MYO18B: variants seen among roughly 807,000 people sequenced by gnomAD.
The protein encoded by MYO18B is myosin XVIIIB, also known as unconventional myosin-XVIIIb.
In MYO18B, 204 loss-of-function variants were observed where a neutral mutation model predicts 273.0. That is an observed-to-expected ratio of 0.75 (90% CI 0.67 to 0.84). The LOEUF (loss-of-function observed/expected upper bound fraction) is 0.84, where lower values mean the gene tolerates loss of function less well. Among genes scored for constraint, MYO18B ranks in the 40% least tolerant of loss-of-function variants. The probability of loss-of-function intolerance (pLI) is 0.00; values close to 1 mark genes in which losing one functional copy is unlikely to be tolerated. For missense variants in MYO18B, 3,212 were observed against 3,287.6 expected (o/e 0.98, Z 0.56); for synonymous variants, 1,330 against 1,305.7 (o/e 1.02, Z -0.40).
At chr22:25,916,783 G>A (rs1429340972) in intron 33 of MYO18B, among the ~76,000 whole-genome samples, 1 of 152,224 alleles carries the variant, frequency 6.6e-6, no homozygotes, top group Non-Finnish European at 1.5e-5. Context: ...TGTAATCCCA[G>A]CACTTTGGGA....
chr22:25,799,378 T>C (rs761039214), intron 12 of MYO18B, among the ~76,000 whole-genome samples: 7 of 152,154 alleles, frequency 4.6e-5, no homozygotes, highest in Non-Finnish European at 8.8e-5. Context: ...GCTCCCTTTT[T>C]TGGCAATATA....
intron 25 of MYO18B, among the ~76,000 whole-genome samples, chr22:25,886,422 C>T (rs535004947): frequency 5.3e-5 from 8 of 152,278 alleles, no homozygotes; most frequent in South Asian, 4.1e-4. Context: ...ATCTCCTTGA[C>T]GAACATCCCA....
downstream of MYO18B, among the ~76,000 whole-genome samples, chr22:26,033,891 T>TTC (rs1012452573): frequency 6.7e-6 from 1 of 149,278 alleles, no homozygotes; most frequent in African/African-American, 2.5e-5. Flanking sequence ...TTTCCTTTCT[T>TTC]TTTCTCTTCC....
chr22:25,815,414 A>C (rs1465483674), intron 12 of MYO18B, among the ~76,000 whole-genome samples: 1 of 152,170 alleles, frequency 6.6e-6, no homozygotes, highest in Non-Finnish European at 1.5e-5. Flanking sequence ...TCTGCTCCTC[A>C]GGTTGGGTCA....
chr22:25,911,020 G>A lies in MYO18B; in HGVS notation c.5334G>A (p.Leu1778=). The change falls in exon 33 of 44, where the codon TTG becomes TTA. Residue 1778 remains leucine, a synonymous_variant. Transcript: ENST00000335473. The part of the protein sequence containing the change: ...KQMVLHEKQD[L]EGLIGTLCDQ... ...TGGTCCTCCATGAGAAGCAAGATTT[G>A]GAAGGCTTGATCGGAACCCTCTGTG... 1.2e-6 allele frequency: 2 copies of A among 1,606,198 alleles called. No individual in the cohort carries two copies. The highest frequency in any genetic ancestry group is 1.7e-5 in the Admixed American group (1 of 59,046).
chr22:25,837,752 A>T (rs1014430154), intron 17 of MYO18B, among the ~76,000 whole-genome samples: 1 of 152,150 alleles, frequency 6.6e-6, no homozygotes, highest in Admixed American at 6.5e-5. Context: ...TCACAGTGCA[A>T]ATTCCTAAAT....
At position 25,776,332 on chromosome 22, in the gene MYO18B, A is replaced by G. The variant is rs142888275; in HGVS notation, c.1870-1251A>G. On this transcript the variant is annotated intron_variant, in intron 7 of 43. Coordinates refer to ENST00000335473, the MANE Select transcript of MYO18B (RefSeq NM_032608.7). ...CGTTTTCTGGGACATGAGACTTTCA[A>G]TGCCAAAACCAGGATAGCAATTTGG... Among the ~76,000 whole-genome samples the G allele has an allele frequency of 8.0e-3, 1,216 of 152,314 alleles. 19 individuals are homozygous for G. The highest frequency in any genetic ancestry group is 0.028 in the African/African-American group (1,163 of 41,568).
At chr22:26,001,317 G>A (rs561499258) in intron 40 of MYO18B, among the ~76,000 whole-genome samples, 1 of 152,200 alleles carries the variant, frequency 6.6e-6, no homozygotes, top group Non-Finnish European at 1.5e-5. Flanking sequence ...ATTTACAAAG[G>A]TGTGAGGAAG....
At chr22:25,773,540 T>C (rs10222224) in intron 7 of MYO18B, among the ~76,000 whole-genome samples, 39,045 of 152,076 alleles carry the variant, frequency 0.26, 5,917 homozygotes, top group Non-Finnish European at 0.33. Context: ...CTCGGCTCAC[T>C]GCAAGCGCCG....
chr22:25,975,293 A>G (rs1197630041), intron 39 of MYO18B, among the ~76,000 whole-genome samples: 1 of 152,192 alleles, frequency 6.6e-6, no homozygotes, highest in Non-Finnish European at 1.5e-5. Context: ...AGTGGCTGAT[A>G]TAATTTCAGA....
At chr22:26,062,720 G>T in the MYO18B span, among the ~76,000 whole-genome samples, 1 of 152,074 alleles carries the variant, frequency 6.6e-6, no homozygotes, top group Admixed American at 6.5e-5. Context: ...GCCTCTTCTG[G>T]CTCAAAGTAC....
At chr22:25,936,640 A>T (rs1220373893) in intron 34 of MYO18B, among the ~76,000 whole-genome samples, 1 of 152,214 alleles carries the variant, frequency 6.6e-6, no homozygotes, top group Non-Finnish European at 1.5e-5. Flanking sequence ...CCATAAAAAA[A>T]TACCGTAAAT....
intron 12 of MYO18B, among the ~76,000 whole-genome samples, chr22:25,806,184 G>A (rs1476704728): frequency 1.3e-5 from 2 of 152,190 alleles, no homozygotes; most frequent in African/African-American, 2.4e-5. Context: ...ATGGAGGTGC[G>A]ATGAGGGATG....
At chr22:25,884,059 C>T (rs1282081096) in intron 25 of MYO18B, among the ~76,000 whole-genome samples, 3 of 152,100 alleles carry the variant, frequency 2.0e-5, no homozygotes, top group Admixed American at 6.6e-5. Flanking sequence ...CCCCCAAGAC[C>T]TTATTTATGG....
chr22:25,910,494 C>T (rs1365575101), intron 32 of MYO18B, among the ~76,000 whole-genome samples: 3 of 152,036 alleles, frequency 2.0e-5, no homozygotes, highest in Non-Finnish European at 4.4e-5. Flanking sequence ...TGGAGGGACA[C>T]ATATAGTTTA....
rs114733350 is a variant in MYO18B, at chr22:25,864,479, C to T, written c.3886-3841C>T. Among the ~76,000 whole-genome samples the T allele has an allele frequency of 4.4e-3, 676 of 152,196 alleles. 6 individuals are homozygous for T. The highest frequency in any genetic ancestry group is 0.016 in the African/African-American group (647 of 41,522). ...TCCTTGTGGGACAGGCGTGATTACA[C>T]CATGTTGTAGAAAGCAAACTGAAGA... On this transcript the variant is annotated intron_variant, in intron 21 of 43. Transcript: ENST00000335473.
chr22:25,751,096 C>T (rs769654132), intron 1 of MYO18B, among the ~76,000 whole-genome samples: 5 of 152,178 alleles, frequency 3.3e-5, no homozygotes, highest in African/African-American at 9.7e-5. Flanking sequence ...TCCACCTCTT[C>T]GGATGGAAAG....
intron 34 of MYO18B, among the ~76,000 whole-genome samples, chr22:25,939,163 C>T (rs1368453512): frequency 2.0e-5 from 3 of 152,214 alleles, no homozygotes; most frequent in Admixed American, 6.5e-5. Flanking sequence ...ATCATGTATG[C>T]ATTACCTCCT....
At chr22:25,994,152 G>C (rs921320994) in intron 40 of MYO18B, among the ~76,000 whole-genome samples, 1 of 152,178 alleles carries the variant, frequency 6.6e-6, no homozygotes, top group African/African-American at 2.4e-5. Context: ...GAGCAAGATG[G>C]AGAGCCACTG....
Sources: gnomAD v4.1 joint callset for allele counts (sites outside exome capture counted in the v4.1 genomes callset) on GRCh38, gnomAD v4.1.1 for gene constraint, MANE v1.5 for transcripts, NCBI Gene and HGNC (gene_info 2026-07-23, HGNC 2026-07-21) for gene names.